Variants in BOK observed in about 807,000 individuals in gnomAD.
The protein encoded by BOK is BCL2 family apoptosis regulator BOK, also known as bcl-2-related ovarian killer protein.
In BOK, 20 loss-of-function variants were observed where a neutral mutation model predicts 18.3. The ratio of observed to expected loss-of-function variants is 1.09; its 90% CI spans 0.77 to 1.59. The LOEUF (loss-of-function observed/expected upper bound fraction) is 1.59, where lower values mean the gene tolerates loss of function less well. BOK is among the 40% of genes most tolerant of loss of function. The pLI is 0.00. For missense variants in BOK, 348 were observed against 307.9 expected (o/e 1.13, Z -0.97); for synonymous variants, 173 against 142.4 (o/e 1.21, Z -1.53).
Position 241,570,002 on chromosome 2 carries a change from G to C in BOK, c.350-123G>C, listed in dbSNP as rs947034341. 4.7e-6 allele frequency: 6 copies of C among 1,267,316 alleles called. No homozygotes were observed. In the African/African-American group the frequency reaches 9.2e-5, roughly 19 times the overall value. The allele number at this position is 1,267,316 out of a possible 1,614,324, so 78.5% of individuals were successfully genotyped here. The stretch of plus-strand genomic sequence containing the variant: ...CTGTCAGGGAGCGGTCCCCCCTTGG[G>C]ACGGTCCCTGGTCATTAGCTGGACG... On this transcript the variant is annotated intron_variant, in intron 3 of 4. Coordinates refer to ENST00000318407, the MANE Select transcript of BOK (RefSeq NM_032515.5).
intron 3 of BOK, among the ~76,000 whole-genome samples, chr2:241,569,801 G>A (rs531719575): frequency 2.5e-4 from 38 of 152,330 alleles, no homozygotes; most frequent in Non-Finnish European, 4.1e-4. Context: ...TGTGGGAACA[G>A]GCAGCCCAGG....
At chr2:241,564,920 G>T (rs918714082) in intron 3 of BOK, among the ~76,000 whole-genome samples, 1 of 152,216 alleles carries the variant, frequency 6.6e-6, no homozygotes, top group African/African-American at 2.4e-5. Flanking sequence ...GAGAGGATGG[G>T]GCCAGGATGC....
intron 3 of BOK, among the ~76,000 whole-genome samples, chr2:241,569,914 G>C (rs1466596234): frequency 6.6e-6 from 1 of 152,294 alleles, no homozygotes; most frequent in East Asian, 1.9e-4. Flanking sequence ...ACAGACGTGG[G>C]CTGGGCAGGT....
chr2:241,560,499 C>T (rs1472908805), intron 2 of BOK, among the ~76,000 whole-genome samples: 1 of 152,268 alleles, frequency 6.6e-6, no homozygotes, highest in African/African-American at 2.4e-5. Context: ...ACGCTGCCTC[C>T]TCTCAGGCTG....
intron 3 of BOK, among the ~76,000 whole-genome samples, chr2:241,569,345 C>A (rs556934306): frequency 2.6e-5 from 4 of 152,218 alleles, no homozygotes; most frequent in South Asian, 2.1e-4. Context: ...GTTGGTCAGG[C>A]TGCTCTTGAA....
Position 241,573,896 on chromosome 2 carries a change from C to G in BOK, c.*1474C>G, listed in dbSNP as rs755210218. 1 of 152,306 alleles carries G rather than the reference C, an allele frequency of 6.6e-6. No homozygotes were observed. The highest frequency in any genetic ancestry group is 1.5e-5 in the Non-Finnish European group (1 of 68,088). The allele number at this position is 152,306 out of a possible 1,614,324, so 9.4% of individuals were successfully genotyped here. On this transcript the variant is annotated 3_prime_UTR_variant, in exon 5 of 5. Transcript: ENST00000318407. ...AGCCCCGAGCCAGCCCTGTCCCTCCCCAGTGCAGCATGGCACTCAGGAGAT... is the reference window on the plus strand; with the variant it reads ...AGCCCCGAGCCAGCCCTGTCCCTCCGCAGTGCAGCATGGCACTCAGGAGAT...
rs747179308 is a variant in BOK, at chr2:241,570,235, G to C, written c.460G>C (p.Gly154Arg). 6.3e-7 allele frequency: 1 copy of C among 1,597,092 alleles called. No individual in the cohort carries two copies. Among genetic ancestry groups the C allele is most frequent in the East Asian group, 2.3e-5 (1 of 43,978 alleles). ...AMVHALVDCL[G>R]EFVRKTLATW... ...GGTCCACGCCCTCGTGGACTGCCTG[G>C]GGGAGTTCGTGCGCAAGACCCTGGC... The change falls in exon 4 of 5, where the codon GGG becomes CGG. Residue 154 changes from glycine (G) to arginine (R), a missense_variant. By Grantham distance (125) the Gly-to-Arg change is moderately radical (BLOSUM62 -2). Transcript: ENST00000318407.
rs1379675228 is a variant in BOK at position 241,573,314 on chromosome 2, ACCT to A, written c.*896_*898del. ...AGCCCCAGGTGAAGGGGCCCGGAACACCTCCTGTCACCTGAGCCCCAGGTGAAG... is the reference window on the plus strand; with the variant it reads ...AGCCCCAGGTGAAGGGGCCCGGAACACCTGTCACCTGAGCCCCAGGTGAAG... On this transcript the variant is annotated 3_prime_UTR_variant, in exon 5 of 5. Transcript: ENST00000318407. 2.2e-5 allele frequency: 3 copies of A among 139,338 alleles called. No individual in the cohort carries two copies. Among genetic ancestry groups the A allele is most frequent in the Non-Finnish European group, 4.8e-5 (3 of 62,428 alleles). 8.6% of individuals were successfully genotyped at this position (139,338 alleles called of 1,614,324 possible).
intron 3 of BOK, among the ~76,000 whole-genome samples, chr2:241,566,999 T>A (rs1320549208): frequency 7.5e-6 from 1 of 133,976 alleles, no homozygotes; most frequent in African/African-American, 2.9e-5. Context: ...GGTAATGGAA[T>A]TATATCAGTT....
At position 241,570,342 on chromosome 2, in the gene BOK, G is replaced by A. The variant is rs202172557; in HGVS notation, c.513+54G>A. On this transcript the variant is annotated intron_variant, in intron 4 of 4. Coordinates refer to ENST00000318407, the MANE Select transcript of BOK (RefSeq NM_032515.5). ...GAGAGCTGGGGTGCGAGGGTGCAGA[G>A]GTACAGGAGGGAGTGGTGGATGGGT... The A allele has an allele frequency of 3.4e-6, 5 of 1,485,166 alleles. No homozygotes were observed. In the African/African-American group the frequency reaches 6.0e-5, roughly 18 times the overall value. 92.0% of individuals were successfully genotyped at this position (1,485,166 alleles called of 1,614,324 possible).
chr2:241,557,308 C>CTTTTT (rs59048690), upstream of BOK, among the ~76,000 whole-genome samples: 643 of 126,712 alleles, frequency 5.1e-3, 6 homozygotes, highest in Non-Finnish European at 6.5e-3. Context: ...TTTCTTTTTC[C>CTTTTT]TTTTTTTTTT....
intron 2 of BOK, among the ~76,000 whole-genome samples, chr2:241,560,418 A>G (rs749640496): frequency 5.3e-5 from 8 of 152,262 alleles, no homozygotes; most frequent in Non-Finnish European, 1.2e-4. Context: ...AGGTGACAGC[A>G]TAGGTGAAAC....
intron 1 of BOK, among the ~76,000 whole-genome samples, chr2:241,551,796 T>C (rs886633667): frequency 1.3e-5 from 2 of 152,156 alleles, no homozygotes; most frequent in Middle Eastern, 3.2e-3. Flanking sequence ...ATTTTAGTTC[T>C]AGTGGGAAGG....
intron 3 of BOK, among the ~76,000 whole-genome samples, chr2:241,564,704 C>T (rs1278866281): frequency 3.3e-5 from 5 of 152,134 alleles, no homozygotes; most frequent in Non-Finnish European, 7.4e-5. Context: ...GGTGGGGCCC[C>T]GGAAGGAAGC....
rs934734663 is a variant in BOK at position 241,569,225 on chromosome 2, G to A, written c.350-900G>A. Among the ~76,000 whole-genome samples the A allele has an allele frequency of 3.3e-5, 5 of 152,176 alleles. No homozygotes were observed. In the South Asian group the frequency reaches 6.2e-4, roughly 19 times the overall value. On this transcript the variant is annotated intron_variant, in intron 3 of 4. Transcript: ENST00000318407. The stretch of plus-strand genomic sequence containing the variant: ...AGCTCACTGCAACCTCCGCCTCCCC[G>A]GGTTCAAGTGATTCTCCTGCTTCAG...
intron 2 of BOK, among the ~76,000 whole-genome samples, chr2:241,561,956 C>A (rs1009793864): frequency 6.6e-6 from 1 of 152,258 alleles, no homozygotes; most frequent in Non-Finnish European, 1.5e-5. Context: ...CCCCTCCCCA[C>A]GTCGGGGTCT....
At chr2:241,564,108 A>G (rs1209455987) in intron 3 of BOK, among the ~76,000 whole-genome samples, 1 of 152,252 alleles carries the variant, frequency 6.6e-6, no homozygotes. Context: ...CTCCCTGGAC[A>G]GAAGTTACTG....
Position 241,562,066 on chromosome 2 carries a change from A to G in BOK, c.221-282A>G, listed in dbSNP as rs1469555687. Among the ~76,000 whole-genome samples, 1 of 152,100 alleles carries G rather than the reference A, an allele frequency of 6.6e-6. No individual in the cohort carries two copies. The highest frequency in any genetic ancestry group is 6.5e-5 in the Admixed American group (1 of 15,268). ...CACGCTCTCGCAGGATTCCCGCCCCACCGGCTTGGCCGGCTAGGCTTAGGG... is the reference window on the plus strand; with the variant it reads ...CACGCTCTCGCAGGATTCCCGCCCCGCCGGCTTGGCCGGCTAGGCTTAGGG... On this transcript the variant is annotated intron_variant, in intron 2 of 4. Coordinates refer to ENST00000318407, the MANE Select transcript of BOK (RefSeq NM_032515.5). This position sits in a 1 kb window ranked among gnomAD's most constrained non-coding sequence, Gnocchi z 4.5.
At position 241,559,567 on chromosome 2, in the gene BOK, G is replaced by C; in HGVS notation, c.84G>C (p.Val28=). 1 of 1,527,900 alleles carries C rather than the reference G, an allele frequency of 6.5e-7. No homozygotes were observed. Among genetic ancestry groups the C allele is most frequent in the African/African-American group, 1.4e-5 (1 of 70,182 alleles). The allele number at this position is 1,527,900 out of a possible 1,614,324, so 94.6% of individuals were successfully genotyped here. Residue 28 remains valine, a synonymous_variant, in exon 2 of 5, where the codon GTG becomes GTC. Coordinates refer to ENST00000318407, the MANE Select transcript of BOK (RefSeq NM_032515.5). Reference sequence around the variant, plus strand: ...GCTCGCCCACAGACAAGGAGCTGGTGGCCCAGGCCAAGGCGCTGGGCCGGG... The same window carrying C: ...GCTCGCCCACAGACAAGGAGCTGGTCGCCCAGGCCAAGGCGCTGGGCCGGG... ...FDRSPTDKEL[V]AQAKALGREY...
Sources: allele counts gnomAD v4.1 joint callset (sites outside exome capture counted in the v4.1 genomes callset), GRCh38; gene constraint gnomAD v4.1.1; non-coding constraint Gnocchi (gnomAD v3.1); transcripts MANE v1.5; gene names NCBI Gene and HGNC (gene_info 2026-07-23, HGNC 2026-07-21).